ARHGAP10: variants seen among roughly 807,000 people sequenced by gnomAD.
ARHGAP10 encodes the protein rho GTPase-activating protein 10.
In ARHGAP10, 87 loss-of-function variants were observed where a neutral mutation model predicts 108.6. That is an observed-to-expected ratio of 0.80 (90% confidence interval 0.67 to 0.96). The LOEUF is 0.96. Ranked by LOEUF, ARHGAP10 falls within the 40% of genes least tolerant of loss-of-function variation. The pLI is 0.00. For missense variants in ARHGAP10, 939 were observed against 954.5 expected (o/e 0.98, Z 0.21); for synonymous variants, 347 against 341.1 (o/e 1.02, Z -0.19).
chr4:147,830,028 G>T (rs1001721745), intron 3 of ARHGAP10, among the ~76,000 whole-genome samples: 1 of 152,226 alleles, frequency 6.6e-6, no homozygotes, highest in Admixed American at 6.5e-5. Flanking sequence ...TCCTGGGGGT[G>T]CTGGGGGCAG....
intron 18 of ARHGAP10, among the ~76,000 whole-genome samples, chr4:147,984,127 T>TCAA (rs1739935870): frequency 6.6e-6 from 1 of 152,104 alleles, no homozygotes; most frequent in Non-Finnish European, 1.5e-5. Flanking sequence ...TTGTTGCTTG[T>TCAA]AGGGGTGTAA....
At chr4:147,974,352 G>A (rs752358301) in intron 18 of ARHGAP10, among the ~76,000 whole-genome samples, 1 of 151,964 alleles carries the variant, frequency 6.6e-6, no homozygotes, top group Non-Finnish European at 1.5e-5. Flanking sequence ...ACTTTTGTTT[G>A]TAATTTGACT....
intron 4 of ARHGAP10, among the ~76,000 whole-genome samples, chr4:147,855,893 A>G (rs1734067302): frequency 6.6e-6 from 1 of 152,200 alleles, no homozygotes; most frequent in Non-Finnish European, 1.5e-5. Context: ...AAGATAAATA[A>G]AAGAAGTAGA....
intron 1 of ARHGAP10, among the ~76,000 whole-genome samples, chr4:147,791,804 C>T (rs557317567): frequency 1.0e-3 from 153 of 152,198 alleles, no homozygotes; most frequent in African/African-American, 3.2e-3. Flanking sequence ...AGGCTCGTCT[C>T]GAACTCCTGA....
At chr4:147,835,899 G>A (rs1200530108) in intron 3 of ARHGAP10, among the ~76,000 whole-genome samples, 4 of 152,076 alleles carry the variant, frequency 2.6e-5, no homozygotes, top group Non-Finnish European at 4.4e-5. Context: ...AAATATCGAA[G>A]CGAGGTTCTT....
At chr4:147,898,571 C>G (rs982359812) in intron 10 of ARHGAP10, among the ~76,000 whole-genome samples, 3 of 151,566 alleles carry the variant, frequency 2.0e-5, no homozygotes, top group Non-Finnish European at 4.4e-5. Context: ...AATGTGTCTT[C>G]TACTCCATTT....
chr4:147,797,689 G>A (rs1731371893), intron 1 of ARHGAP10, among the ~76,000 whole-genome samples: 1 of 152,162 alleles, frequency 6.6e-6, no homozygotes, highest in Non-Finnish European at 1.5e-5. Context: ...GGGATTACAA[G>A]CATGAGCCGT....
At chr4:148,042,991 G>A (rs1728698956) in intron 19 of ARHGAP10, among the ~76,000 whole-genome samples, 1 of 152,112 alleles carries the variant, frequency 6.6e-6, no homozygotes, top group South Asian at 2.1e-4. Flanking sequence ...ATGACTCCTG[G>A]ATTGCCTGGC....
At chr4:147,837,466 C>A (rs1245929752) in intron 3 of ARHGAP10, among the ~76,000 whole-genome samples, 1 of 151,852 alleles carries the variant, frequency 6.6e-6, no homozygotes, top group East Asian at 1.9e-4. Context: ...TGTGGGGAAC[C>A]AGGAATGATG....
intron 1 of ARHGAP10, among the ~76,000 whole-genome samples, chr4:147,752,794 C>G (rs1288572274): frequency 6.6e-6 from 1 of 152,138 alleles, no homozygotes. Flanking sequence ...CCCAAAGTGC[C>G]GGGATTACAG....
At chr4:147,799,454 T>C (rs1470489653) in intron 1 of ARHGAP10, among the ~76,000 whole-genome samples, 1 of 152,204 alleles carries the variant, frequency 6.6e-6, no homozygotes, top group Non-Finnish European at 1.5e-5. Context: ...TGGGGCTCAA[T>C]GATACAAGGC....
chr4:147,941,902 C>CT (rs1738176959), intron 14 of ARHGAP10, among the ~76,000 whole-genome samples: 2 of 152,096 alleles, frequency 1.3e-5, no homozygotes, highest in African/African-American at 2.4e-5. Context: ...GGACTTGTCT[C>CT]TTTTTTCTGG....
At chr4:147,800,745 C>A (rs556207141) in intron 1 of ARHGAP10, among the ~76,000 whole-genome samples, 1 of 152,134 alleles carries the variant, frequency 6.6e-6, no homozygotes, top group Admixed American at 6.6e-5. Context: ...GGGTTTATAG[C>A]GCTTAGTAGG....
At chr4:147,732,595 T>C in intron 1 of ARHGAP10, 140 bp downstream of exon 1, 3 of 1,218,306 alleles carry the variant, frequency 2.5e-6, no homozygotes, top group Non-Finnish European at 3.3e-6. Context: ...AGCCCAGCTC[T>C]CTCGGAACCC....
intron 18 of ARHGAP10, among the ~76,000 whole-genome samples, chr4:147,971,457 C>T (rs976883569): frequency 2.0e-5 from 3 of 152,048 alleles, no homozygotes; most frequent in East Asian, 1.9e-4. Flanking sequence ...AGAGAATGAG[C>T]GAGAAAGTGG....
At chr4:147,767,368 T>G in intron 1 of ARHGAP10, among the ~76,000 whole-genome samples, 1 of 17,846 alleles carries the variant, frequency 5.6e-5, no homozygotes, top group Non-Finnish European at 4.0e-3. Context: ...AGAATTTATC[T>G]TTTTTTTTTT....
At chr4:147,977,022 T>C (rs1410091981) in intron 18 of ARHGAP10, among the ~76,000 whole-genome samples, 1 of 152,228 alleles carries the variant, frequency 6.6e-6, no homozygotes, top group Non-Finnish European at 1.5e-5. Flanking sequence ...AGGGATGGGA[T>C]TGAGGTGGAA....
In ARHGAP10 at chr4:147,913,141, T is replaced by C. The variant is rs769028120; in HGVS notation, c.1228+2T>C. On this transcript the variant is annotated splice_donor_variant, in intron 13 of 22. Coordinates refer to ENST00000336498, the MANE Select transcript of ARHGAP10 (RefSeq NM_024605.4). LOFTEE classifies it high-confidence loss of function. ...GCATCAGTGCCGTTGAAACACGAGG[T>C]AATATGATTGAATCATTTCATTCAT... 36 of 1,612,676 alleles carry C rather than the reference T, an allele frequency of 2.2e-5. No homozygotes were observed. The highest frequency in any genetic ancestry group is 5.0e-5 in the Admixed American group (3 of 59,998).
intron 9 of ARHGAP10, among the ~76,000 whole-genome samples, chr4:147,880,809 G>A (rs550039383): frequency 7.2e-5 from 11 of 152,054 alleles, no homozygotes; most frequent in African/African-American, 1.9e-4. Context: ...TAGGGTTATC[G>A]GTGTACTTTT....
Sources: allele counts gnomAD v4.1 joint callset (sites outside exome capture counted in the v4.1 genomes callset), GRCh38; gene constraint gnomAD v4.1.1; transcripts MANE v1.5; gene names NCBI Gene and HGNC (gene_info 2026-07-23, HGNC 2026-07-21).